Variants in CASK observed in about 807,000 individuals in gnomAD.
CASK encodes calcium/calmodulin dependent serine protein kinase, also known as peripheral plasma membrane protein CASK.
In CASK, 4 loss-of-function variants were observed where a neutral mutation model predicts 82.9. The ratio of observed to expected loss-of-function variants is 0.05; its 90% CI spans 0.02 to 0.11. The LOEUF is 0.11. CASK is among the 10% of genes least tolerant of loss of function. The pLI, the probability that CASK is intolerant of heterozygous loss-of-function variation, is 1.00. For missense variants in CASK, 358 were observed against 720.9 expected (o/e 0.50, Z 5.76); for synonymous variants, 259 against 253.5 (o/e 1.02, Z -0.20).
intron 5 of CASK, among the ~76,000 whole-genome samples, chrX:41,674,098 T>TA (rs1366901034): frequency 9.0e-6 from 1 of 110,632 alleles, no homozygotes; most frequent in Admixed American, 9.7e-5. Flanking sequence ...GGAAGGATTT[T>TA]AAAGGCAGAC....
At chrX:41,529,968 G>C (rs947323653) in intron 25 of CASK, among the ~76,000 whole-genome samples, 1 of 111,907 alleles carries the variant, frequency 8.9e-6, no homozygotes, top group African/African-American at 3.2e-5. Flanking sequence ...GGATGGTTAG[G>C]GGACCAAGTC....
chrX:41,800,506 TTTA>T, intron 2 of CASK, among the ~76,000 whole-genome samples: 1 of 111,148 alleles, frequency 9.0e-6, no homozygotes, highest in East Asian at 2.8e-4. Flanking sequence ...TTTCTTTTCT[TTTA>T]TTATTATTAT....
chrX:41,579,681 C>T lies in CASK; in HGVS notation c.1315-1153G>A, dbSNP rs914946898. Among the ~76,000 whole-genome samples, 3 of 111,853 alleles carry T rather than the reference C, an allele frequency of 2.7e-5. No individual in the cohort carries two copies. The Admixed American group carries it at 2.9e-4, about 11-fold the overall frequency. On this transcript the variant is annotated intron_variant, in intron 14 of 26. Coordinates refer to ENST00000378163, the MANE Select transcript of CASK (RefSeq NM_001367721.1). ...ATTTGGTTCTATTTTAATTTGGGATCTGTGCGGTAATATCTGCAGATAATG... is the reference window on the plus strand; with the variant it reads ...ATTTGGTTCTATTTTAATTTGGGATTTGTGCGGTAATATCTGCAGATAATG...
At chrX:41,752,687 A>G (rs1374395904) in intron 3 of CASK, among the ~76,000 whole-genome samples, 1 of 111,705 alleles carries the variant, frequency 9.0e-6, no homozygotes, top group African/African-American at 3.3e-5. Context: ...CCATTAATAG[A>G]CCCACAAATA....
At chrX:41,807,243 A>C (rs959208012) in intron 2 of CASK, among the ~76,000 whole-genome samples, 1 of 111,139 alleles carries the variant, frequency 9.0e-6, no homozygotes, top group East Asian at 2.8e-4. Context: ...ACAACAACAA[A>C]AAACACCCCA....
intron 1 of CASK, among the ~76,000 whole-genome samples, chrX:41,892,025 AAAAC>A (rs1403662120): frequency 5.4e-5 from 6 of 110,204 alleles, no homozygotes; most frequent in African/African-American, 2.0e-4. Flanking sequence ...CCCCATCTCT[AAAAC>A]AAACAAACAA....
At chrX:41,629,004 T>C (rs1003264180) in intron 9 of CASK, among the ~76,000 whole-genome samples, 8 of 112,187 alleles carry the variant, frequency 7.1e-5, no homozygotes, top group African/African-American at 2.3e-4. Context: ...TTGCTACTAT[T>C]GTCAAAGATC....
chrX:41,839,305 G>A (rs1226415562), intron 2 of CASK, among the ~76,000 whole-genome samples: 4 of 111,140 alleles, frequency 3.6e-5, no homozygotes, highest in Non-Finnish European at 7.6e-5. Context: ...CATTTATTTA[G>A]ATCTTTAACT....
intron 3 of CASK, among the ~76,000 whole-genome samples, chrX:41,768,403 T>A (rs904234564): frequency 9.0e-6 from 1 of 111,657 alleles, no homozygotes; most frequent in African/African-American, 3.2e-5. Context: ...TATGCACATA[T>A]AATTTATGAT....
At chrX:41,653,744 G>A (rs1423621436) in intron 8 of CASK, among the ~76,000 whole-genome samples, 1 of 112,645 alleles carries the variant, frequency 8.9e-6, no homozygotes, top group Non-Finnish European at 1.9e-5. Flanking sequence ...TCAGTTTACT[G>A]AAAATCCTTT....
chrX:41,714,911 C>G (rs2068035562), intron 5 of CASK, among the ~76,000 whole-genome samples: 1 of 111,990 alleles, frequency 8.9e-6, no homozygotes, highest in Non-Finnish European at 1.9e-5. Context: ...AGGAAATACT[C>G]TCATGCAGGG....
intron 2 of CASK, among the ~76,000 whole-genome samples, chrX:41,828,992 T>G (rs1263667737): frequency 8.9e-6 from 1 of 111,972 alleles, no homozygotes; most frequent in Non-Finnish European, 1.9e-5. Flanking sequence ...AGAACAGGTA[T>G]GTCATCACCC....
At chrX:41,905,393 C>G (rs1423640509) in intron 1 of CASK, among the ~76,000 whole-genome samples, 1 of 112,046 alleles carries the variant, frequency 8.9e-6, no homozygotes, top group East Asian at 2.8e-4. Flanking sequence ...CCCTGCCAAC[C>G]CTTGTTATTG....
At chrX:41,888,789 G>GTA (rs1244667146) in intron 1 of CASK, among the ~76,000 whole-genome samples, 2 of 103,170 alleles carry the variant, frequency 1.9e-5, no homozygotes, top group East Asian at 5.9e-4. Flanking sequence ...ACATGTATGT[G>GTA]TATATATATG....
At position 41,656,622 on chromosome X, in the gene CASK, AG is replaced by A. The variant is rs774916709; in HGVS notation, c.831+3816del. 2.4e-3 allele frequency among the ~76,000 whole-genome samples: 272 copies of A among 111,059 alleles called. 1 individual carries two copies. Among genetic ancestry groups the A allele is most frequent in the African/African-American group, 8.5e-3 (259 of 30,572 alleles). On this transcript the variant is annotated intron_variant, in intron 8 of 26. Coordinates refer to ENST00000378163, the MANE Select transcript of CASK (RefSeq NM_001367721.1). ...AAAACAGGGGGAGATGAAAGCAGGA[AG>A]GGCTGGCTTACTTGCCTTTACCAGT...
intron 5 of CASK, chrX:41,727,724 C>A (rs752094184): frequency 1.7e-6 from 2 of 1,204,338 alleles, no homozygotes; most frequent in Admixed American, 2.2e-5. Flanking sequence ...AAAATAAGAA[C>A]CTGTACGTCC....
intron 11 of CASK, among the ~76,000 whole-genome samples, chrX:41,612,842 C>T (rs1267785903): frequency 1.1e-5 from 1 of 93,233 alleles, no homozygotes. Context: ...AAGTGAGGAG[C>T]CCCTCTGCCT....
chrX:41,598,657 C>T (rs776786263), intron 12 of CASK, among the ~76,000 whole-genome samples: 2 of 111,963 alleles, frequency 1.8e-5, no homozygotes, highest in Non-Finnish European at 3.8e-5. Flanking sequence ...CCATGGCACC[C>T]GGCTGGAAGA....
Position 41,891,185 on chromosome X carries a change from C to T in CASK, c.59+31745G>A, listed in dbSNP as rs928755390. On this transcript the variant is annotated intron_variant, in intron 1 of 26. Coordinates refer to ENST00000378163, the MANE Select transcript of CASK (RefSeq NM_001367721.1). ...GATTACAAGTGTTAGGCACTGCATC[C>T]GGCCTATAATTCTTAATTATATGTT... Among the ~76,000 whole-genome samples, 8 of 110,214 alleles carry T rather than the reference C, an allele frequency of 7.3e-5. No individual in the cohort carries two copies. The East Asian group carries it at 8.5e-4, about 12-fold the overall frequency.
Sources: gnomAD v4.1 joint callset for allele counts (sites outside exome capture counted in the v4.1 genomes callset) on GRCh38, gnomAD v4.1.1 for gene constraint, MANE v1.5 for transcripts, NCBI Gene and HGNC (gene_info 2026-07-23, HGNC 2026-07-21) for gene names.